PTPRS: variants seen among roughly 807,000 people sequenced by gnomAD.
The protein encoded by PTPRS is protein tyrosine phosphatase receptor type S.
Under a neutral mutation model 215.3 loss-of-function variants are expected in PTPRS, and 63 were observed. The ratio of observed to expected loss-of-function variants is 0.29; its 90% CI spans 0.24 to 0.36. PTPRS has a LOEUF of 0.36. Ranked by LOEUF, PTPRS falls within the 10% of genes least tolerant of loss-of-function variation. The pLI, the probability that PTPRS is intolerant of heterozygous loss-of-function variation, is 1.00. For synonymous variants in PTPRS, 1,404 were observed against 1,191.4 expected (o/e 1.18, Z -3.68); for missense variants, 2,258 against 2,825.8 (o/e 0.80, Z 4.56).
intron 16 of PTPRS, 77 bp downstream of exon 16, chr19:5,229,239 G>A (rs1056786678): frequency 3.1e-6 from 4 of 1,308,140 alleles, no homozygotes; most frequent in Non-Finnish European, 3.9e-6. Context: ...GATGATAAGG[G>A]GCGTGCAGGA....
intron 16 of PTPRS, among the ~76,000 whole-genome samples, chr19:5,227,907 C>T (rs1420504847): frequency 6.6e-6 from 1 of 152,206 alleles, no homozygotes; most frequent in South Asian, 2.1e-4. Context: ...ATCACAGCAT[C>T]ATGTGTGCCC....
chr19:5,336,298 A>C (rs2050501455), intron 1 of PTPRS, among the ~76,000 whole-genome samples: 1 of 144,790 alleles, frequency 6.9e-6, no homozygotes, highest in African/African-American at 2.6e-5. Context: ...CACACTCCAC[A>C]CTCTTGAACC....
In PTPRS at chr19:5,280,791, T is replaced by TG. The variant is rs898737742; in HGVS notation, c.91+5258_91+5259insC. ...GGAATGCACAGCCTCCCTTAACTTTTTTTTTTTGTTTGTTTTTTGAGATGG... is the reference window on the plus strand; with the variant it reads ...GGAATGCACAGCCTCCCTTAACTTTTGTTTTTTTGTTTGTTTTTTGAGATGG... On this transcript the variant is annotated intron_variant, in intron 2 of 37. Coordinates refer to ENST00000262963, the MANE Select transcript of PTPRS (RefSeq NM_002850.4). Among the ~76,000 whole-genome samples, 56 of 146,244 alleles carry TG rather than the reference T, an allele frequency of 3.8e-4. 1 individual carries two copies. The highest frequency in any genetic ancestry group is 1.3e-3 in the African/African-American group (53 of 40,342).
chr19:5,304,767 G>A (rs1243627443), intron 1 of PTPRS, among the ~76,000 whole-genome samples: 1 of 152,206 alleles, frequency 6.6e-6, no homozygotes, highest in Non-Finnish European at 1.5e-5. Context: ...GGCTGGGGCA[G>A]GGAGGTTGGG....
chr19:5,258,113 C>G lies in PTPRS; in HGVS notation c.610G>C (p.Glu204Gln). 1 of 1,614,114 alleles carries G rather than the reference C, an allele frequency of 6.2e-7. No individual in the cohort carries two copies. The highest frequency in any genetic ancestry group is 8.5e-7 in the Non-Finnish European group (1 of 1,179,958). The change falls in exon 8 of 38, where the codon GAA becomes CAA. Residue 204 changes from glutamate to glutamine, a missense_variant. Physicochemically the swap from Glu to Gln is conservative, Grantham distance 29. This residue lies in a region of PTPRS where 508 missense variants were observed against 799.4 expected (regional missense o/e 0.64). Coordinates refer to ENST00000262963, the MANE Select transcript of PTPRS (RefSeq NM_002850.4). ...CCCTGGTCGGTTTCCTCACTGCTTT[C>G]AATCTGCAGGGCTCCTGTGGGAAGA... is the stretch of plus-strand genomic sequence containing the variant. ...STPIRGALQI[E>Q]SSEETDQGKY...
At chr19:5,327,514 T>C (rs1426800379) in intron 1 of PTPRS, among the ~76,000 whole-genome samples, 1 of 152,054 alleles carries the variant, frequency 6.6e-6, no homozygotes, top group Admixed American at 6.6e-5. Flanking sequence ...CCCCCAAAGA[T>C]CCCCTGGCCC....
chr19:5,246,689 C>T (rs1188909231), intron 9 of PTPRS, among the ~76,000 whole-genome samples: 1 of 152,180 alleles, frequency 6.6e-6, no homozygotes, highest in East Asian at 1.9e-4. Context: ...GATGTCAGTC[C>T]CCCACTCCCC....
intron 19 of PTPRS, 149 bp from the exon 20 acceptor site, chr19:5,221,402 C>T (rs569344178): frequency 7.7e-5 from 44 of 572,718 alleles, no homozygotes; most frequent in Non-Finnish European, 1.1e-4. Flanking sequence ...GATCCCTGAT[C>T]CCAGGCTGAG....
chr19:5,222,909 G>A lies in PTPRS; in HGVS notation c.2883C>T (p.Ala961=). 13 of 1,569,876 alleles carry A rather than the reference G, an allele frequency of 8.3e-6. No individual in the cohort carries two copies. The highest frequency in any genetic ancestry group is 1.1e-5 in the Non-Finnish European group (13 of 1,164,760). The part of the protein sequence containing the change: ...LPPVPAERNG[A]IVKYTVAVRE... ...GCACGGCCACCGTGTATTTGACGAT[G>A]GCCCCGTTGCGCTCGGCGGGCACGG... Residue 961 remains alanine (A), a synonymous_variant, in exon 18 of 38, where the codon GCC becomes GCT. Transcript: ENST00000262963.
At chr19:5,238,533 C>G (rs2043688321) in intron 13 of PTPRS, among the ~76,000 whole-genome samples, 1 of 152,164 alleles carries the variant, frequency 6.6e-6, no homozygotes, top group African/African-American at 2.4e-5. Context: ...CTCACGGTAC[C>G]CTCAAAATGC....
intron 15 of PTPRS, 24 bp downstream of exon 15, chr19:5,229,444 TCCCCGCCCGGAGCCCGTCCCCGG>T (rs905881894): frequency 1.3e-4 from 179 of 1,372,360 alleles, no homozygotes; most frequent in Non-Finnish European, 1.6e-4. Context: ...CAAGGGCCCG[TCCCCGCCCGGAGCCCGTCCCCGG>T]CCCCGCCCCG....
At chr19:5,209,405 G>A (rs1262825115) in intron 35 of PTPRS, among the ~76,000 whole-genome samples, 1 of 151,820 alleles carries the variant, frequency 6.6e-6, no homozygotes, top group Non-Finnish European at 1.5e-5. Flanking sequence ...CATCTGCCTT[G>A]TTCTAATCCC....
At chr19:5,265,514 A>T (rs1399076854) in intron 4 of PTPRS, among the ~76,000 whole-genome samples, 2 of 151,938 alleles carry the variant, frequency 1.3e-5, no homozygotes, top group African/African-American at 4.8e-5. Context: ...GCTAATTTTT[A>T]AAATTTTTGT....
intron 4 of PTPRS, 55 bp from the exon 5 acceptor site, chr19:5,265,251 T>C: frequency 6.6e-7 from 1 of 1,518,746 alleles, no homozygotes; most frequent in Non-Finnish European, 8.9e-7. Context: ...GCACAGCCAC[T>C]CCTGAGCCTG....
In PTPRS at chr19:5,338,511, C is replaced by CG. The variant is rs887101591; in HGVS notation, c.-95+2152dup. On this transcript the variant is annotated intron_variant, in intron 1 of 37. Transcript: ENST00000262963. The surrounding 1 kb of genome is among the most constrained non-coding windows in gnomAD (Gnocchi z 4.2). ...CCACGGAAGGCTTTGTGGAGGGCAG[C>CG]GGGGGGGTAGGGGAGGGATGCCCAG... Among the ~76,000 whole-genome samples, 56 of 148,190 alleles carry CG rather than the reference C, an allele frequency of 3.8e-4. No individual in the cohort carries two copies. The highest frequency in any genetic ancestry group is 3.1e-4 in the Non-Finnish European group (21 of 67,110).
chr19:5,293,433 G>A lies in PTPRS; in HGVS notation c.-94-7199C>T, dbSNP rs1387250000. ...AGAGGGGAGCCCCATCTGGAGGCGCGGAGAGCCTCCGCAGGAGTCCATGAA... is the reference window on the plus strand; with the variant it reads ...AGAGGGGAGCCCCATCTGGAGGCGCAGAGAGCCTCCGCAGGAGTCCATGAA... On this transcript the variant is annotated intron_variant, in intron 1 of 37. Coordinates refer to ENST00000262963, the MANE Select transcript of PTPRS (RefSeq NM_002850.4). This position sits in a 1 kb window ranked among gnomAD's most constrained non-coding sequence, Gnocchi z 8.4. Among the ~76,000 whole-genome samples the A allele has an allele frequency of 6.6e-6, 1 of 152,092 alleles. No individual in the cohort carries two copies. The highest frequency in any genetic ancestry group is 2.1e-4 in the South Asian group (1 of 4,828).
rs1358820378 is a variant in PTPRS, at chr19:5,225,824, C to T, written c.2397G>A (p.Leu799=). Residue 799 remains leucine, a synonymous_variant, in exon 17 of 38, where the codon TTG becomes TTA. Coordinates refer to ENST00000262963, the MANE Select transcript of PTPRS (RefSeq NM_002850.4). ...TGATGGAGTACGCGGTCTCAGGCTG[C>T]AAGTTTGTGATGACCATCTCCTGCA... is the stretch of plus-strand genomic sequence containing the variant. ...TAEYEMVITN[L]QPETAYSITV... is the part of the protein sequence containing the mutation. 6 of 1,613,972 alleles carry T rather than the reference C, an allele frequency of 3.7e-6. No individual in the cohort carries two copies. The South Asian group carries it at 6.6e-5, about 18-fold the overall frequency.
At chr19:5,319,466 C>T (rs1296840084) in intron 1 of PTPRS, among the ~76,000 whole-genome samples, 1 of 150,562 alleles carries the variant, frequency 6.6e-6, no homozygotes, top group African/African-American at 2.4e-5. Flanking sequence ...TGCTTCTTCT[C>T]CCCACCACCC....
intron 4 of PTPRS, among the ~76,000 whole-genome samples, chr19:5,267,322 G>A (rs2046479521): frequency 1.3e-5 from 2 of 152,114 alleles, no homozygotes; most frequent in African/African-American, 4.8e-5. Context: ...GATGAGGTGA[G>A]CCAGCTAAGT....
Sources: gnomAD v4.1 joint callset for allele counts (sites outside exome capture counted in the v4.1 genomes callset) on GRCh38, gnomAD v4.1.1 for gene constraint, gnomAD v4.1.1 regional missense constraint, Gnocchi (gnomAD v3.1) non-coding constraint, MANE v1.5 for transcripts, NCBI Gene and HGNC (gene_info 2026-07-23, HGNC 2026-07-21) for gene names.